SEMA5A: variants seen among roughly 807,000 people sequenced by gnomAD.
SEMA5A encodes the protein semaphorin 5A.
SEMA5A carries 55 observed loss-of-function variants against 135.5 expected under a neutral mutation model. That is an observed-to-expected ratio of 0.41 (90% CI 0.33 to 0.51). The LOEUF (loss-of-function observed/expected upper bound fraction) is 0.51. SEMA5A is among the 20% of genes least tolerant of loss of function. The pLI is 0.37. For missense variants in SEMA5A, 1,290 were observed against 1,419.9 expected (o/e 0.91, Z 1.47); for synonymous variants, 580 against 546.5 (o/e 1.06, Z -0.85).
At chr5:9,283,531 T>A (rs979385944) in intron 5 of SEMA5A, among the ~76,000 whole-genome samples, 1 of 152,230 alleles carries the variant, frequency 6.6e-6, no homozygotes, top group Non-Finnish European at 1.5e-5. Flanking sequence ...GACTAACCTA[T>A]ACTCAACTGA....
chr5:9,512,764 G>T (rs1350179776), intron 1 of SEMA5A, among the ~76,000 whole-genome samples: 1 of 152,068 alleles, frequency 6.6e-6, no homozygotes, highest in East Asian at 1.9e-4. Flanking sequence ...ATTTCTTTCT[G>T]TCCCACTGAC....
At chr5:9,157,001 A>T (rs1421852200) in intron 11 of SEMA5A, among the ~76,000 whole-genome samples, 1 of 152,260 alleles carries the variant, frequency 6.6e-6, no homozygotes, top group African/African-American at 2.4e-5. Context: ...TGATTTTCCA[A>T]CTAGTGGGAA....
In SEMA5A at chr5:9,154,634, C is replaced by T; in HGVS notation, c.1335G>A (p.Leu445=). 2 of 1,614,142 alleles carry T rather than the reference C, an allele frequency of 1.2e-6. No individual in the cohort carries two copies. Among genetic ancestry groups the T allele is most frequent in the African/African-American group, 2.7e-5 (2 of 75,044 alleles). The change falls in exon 12 of 23, where the codon CTG becomes CTA. Residue 445 remains leucine, a synonymous_variant. Coordinates refer to ENST00000382496, the MANE Select transcript of SEMA5A (RefSeq NM_003966.3). ...TCTCAGGGAAGAGCTCAATCTCTTC[C>T]AGCAAACAGCTGCTTGAGGTCTGAT... ...PLNQTSSSCL[L]EEIELFPERR... is the part of the protein sequence containing the mutation.
chr5:9,353,171 G>GA (rs1754246335), intron 3 of SEMA5A, among the ~76,000 whole-genome samples: 1 of 104,416 alleles, frequency 9.6e-6, no homozygotes, highest in African/African-American at 4.2e-5. Context: ...GGAGGGAAAG[G>GA]AAGGGAAAGG....
intron 1 of SEMA5A, among the ~76,000 whole-genome samples, chr5:9,539,872 A>T (rs1737981225): frequency 6.6e-6 from 1 of 152,206 alleles, no homozygotes; most frequent in Non-Finnish European, 1.5e-5. Context: ...ATTGTTGTGT[A>T]TTAGGAACTA....
At chr5:9,052,345 G>A (rs771783384) in intron 19 of SEMA5A, among the ~76,000 whole-genome samples, 6 of 152,198 alleles carry the variant, frequency 3.9e-5, no homozygotes, top group Non-Finnish European at 8.8e-5. Flanking sequence ...CCAGCTGTGT[G>A]CAGACCATCA....
At chr5:9,213,637 T>C (rs1017571031) in intron 8 of SEMA5A, among the ~76,000 whole-genome samples, 1 of 152,192 alleles carries the variant, frequency 6.6e-6, no homozygotes, top group African/African-American at 2.4e-5. Flanking sequence ...ATTTTGTGAA[T>C]AAAGTTTTAT....
At chr5:9,353,680 G>C (rs1754317000) in intron 3 of SEMA5A, among the ~76,000 whole-genome samples, 1 of 152,080 alleles carries the variant, frequency 6.6e-6, no homozygotes, top group Non-Finnish European at 1.5e-5. Flanking sequence ...ATATCTTCCG[G>C]TGAAAATGAT....
At chr5:9,207,102 G>GTATATATGTATA (rs1746065226) in intron 8 of SEMA5A, among the ~76,000 whole-genome samples, 1 of 97,698 alleles carries the variant, frequency 1.0e-5, no homozygotes, top group African/African-American at 3.9e-5. Flanking sequence ...ATGATCAAGT[G>GTATATATGTATA]TATATATATA....
intron 8 of SEMA5A, among the ~76,000 whole-genome samples, chr5:9,220,188 C>G (rs1266968838): frequency 6.6e-6 from 1 of 152,128 alleles, no homozygotes; most frequent in Non-Finnish European, 1.5e-5. Context: ...ATACAATGGT[C>G]TTTTGGGACT....
intron 5 of SEMA5A, among the ~76,000 whole-genome samples, chr5:9,288,201 C>G (rs1750893400): frequency 6.6e-6 from 1 of 152,174 alleles, no homozygotes; most frequent in Non-Finnish European, 1.5e-5. Flanking sequence ...GAAGGCTTGA[C>G]AAGACAACTA....
intron 1 of SEMA5A, among the ~76,000 whole-genome samples, chr5:9,462,061 G>A (rs1759077505): frequency 6.6e-6 from 1 of 152,102 alleles, no homozygotes; most frequent in South Asian, 2.1e-4. Flanking sequence ...TACAACCTTG[G>A]CTTAAAGACT....
intron 4 of SEMA5A, among the ~76,000 whole-genome samples, chr5:9,327,965 A>G (rs1431628658): frequency 6.6e-6 from 1 of 152,186 alleles, no homozygotes; most frequent in African/African-American, 2.4e-5. Context: ...GTGATTTCCT[A>G]GGACTATTCA....
chr5:9,522,512 G>A (rs1476457909), intron 1 of SEMA5A, among the ~76,000 whole-genome samples: 1 of 152,158 alleles, frequency 6.6e-6, no homozygotes, highest in Non-Finnish European at 1.5e-5. Flanking sequence ...AGGAGGCAGA[G>A]GTTGTGGTGA....
intron 5 of SEMA5A, among the ~76,000 whole-genome samples, chr5:9,305,539 A>G (rs1751816277): frequency 1.3e-5 from 2 of 151,778 alleles, no homozygotes; most frequent in Non-Finnish European, 2.9e-5. Context: ...ATTTTTTTGT[A>G]TTAGAGTGAC....
rs1473720055 is a variant in SEMA5A, at chr5:9,053,889, G to C, written c.2689+198C>G. 9 of 515,772 alleles carry C rather than the reference G, an allele frequency of 1.7e-5. No individual in the cohort carries two copies. The African/African-American group carries it at 1.8e-4, about 10-fold the overall frequency. The allele number at this position is 515,772 out of a possible 1,614,324, so 31.9% of individuals were successfully genotyped here. ...GCTAAAGGCTTTGAACACGAGTTCT[G>C]AATCTATAGCTCAGTGAGAACTATT... On this transcript the variant is annotated intron_variant, in intron 19 of 22. Coordinates refer to ENST00000382496, the MANE Select transcript of SEMA5A (RefSeq NM_003966.3).
chr5:9,358,644 C>T (rs1323333922), intron 3 of SEMA5A, among the ~76,000 whole-genome samples: 3 of 152,160 alleles, frequency 2.0e-5, no homozygotes, highest in Admixed American at 2.0e-4. Flanking sequence ...AGATGTGATT[C>T]AATGAATGAA....
chr5:9,457,427 G>A (rs776056764), intron 1 of SEMA5A, among the ~76,000 whole-genome samples: 3 of 152,174 alleles, frequency 2.0e-5, no homozygotes, highest in East Asian at 3.8e-4. Context: ...GCAAGTAAAT[G>A]TTGAGGTTCC....
chr5:9,222,667 GC>G (rs1298445275), intron 8 of SEMA5A, among the ~76,000 whole-genome samples: 2 of 152,222 alleles, frequency 1.3e-5, no homozygotes, highest in Admixed American at 6.5e-5. Context: ...AAACATTAAT[GC>G]CTTTGTAAAT....
Sources: gnomAD v4.1 joint callset for allele counts (sites outside exome capture counted in the v4.1 genomes callset) on GRCh38, gnomAD v4.1.1 for gene constraint, MANE v1.5 for transcripts, NCBI Gene and HGNC (gene_info 2026-07-23, HGNC 2026-07-21) for gene names.